The following ATAD2B variants were observed in gnomAD, a reference collection of about 807,000 sequenced individuals.
ATAD2B encodes ATPase family AAA domain-containing protein 2B.
Under a neutral mutation model 167.6 loss-of-function variants are expected in ATAD2B, and 40 were observed. The ratio of observed to expected loss-of-function variants is 0.24; its 90% CI spans 0.19 to 0.31. The LOEUF is 0.31. Among genes scored for constraint, ATAD2B ranks in the 10% least tolerant of loss-of-function variants. The pLI, the probability that ATAD2B is intolerant of heterozygous loss-of-function variation, is 1.00. For missense variants in ATAD2B, 1,242 were observed against 1,757.2 expected, an observed-to-expected ratio of 0.71 and a Z score of 5.24; for synonymous variants, 579 against 596.5, an observed-to-expected ratio of 0.97 and a Z score of 0.43.
intron 9 of ATAD2B, among the ~76,000 whole-genome samples, chr2:23,869,122 T>G (rs1427497380): frequency 1.3e-5 from 2 of 152,194 alleles, no homozygotes; most frequent in African/African-American, 4.8e-5. Context: ...GACACTTTAA[T>G]TATTTACTCC....
At chr2:23,881,295 A>T (rs561418422) in intron 6 of ATAD2B, among the ~76,000 whole-genome samples, 1 of 151,616 alleles carries the variant, frequency 6.6e-6, no homozygotes, top group South Asian at 2.1e-4. Context: ...AAGCATTGAG[A>T]GGGAGCATGA....
At chr2:23,868,944 T>C (rs1695537036) in intron 9 of ATAD2B, among the ~76,000 whole-genome samples, 1 of 152,196 alleles carries the variant, frequency 6.6e-6, no homozygotes, top group African/African-American at 2.4e-5. Context: ...ATCAGAATAG[T>C]TCGGATTAAA....
intron 13 of ATAD2B, among the ~76,000 whole-genome samples, chr2:23,835,850 C>A (rs1418665883): frequency 6.6e-6 from 1 of 151,848 alleles, no homozygotes; most frequent in Non-Finnish European, 1.5e-5. Flanking sequence ...GCAGGAGAAT[C>A]ACTTGAATCC....
intron 13 of ATAD2B, among the ~76,000 whole-genome samples, chr2:23,840,793 T>A (rs1377770073): frequency 6.6e-6 from 1 of 152,240 alleles, no homozygotes; most frequent in African/African-American, 2.4e-5. Flanking sequence ...TATCAATTAC[T>A]GAGAGATGTA....
intron 1 of ATAD2B, among the ~76,000 whole-genome samples, chr2:23,917,685 G>A (rs117430390): frequency 3.3e-5 from 5 of 151,920 alleles, no homozygotes; most frequent in East Asian, 3.9e-4. Context: ...CCAGCTACTC[G>A]GCAGGCTGAG....
At chr2:23,818,155 G>A (rs1192488263) in intron 17 of ATAD2B, among the ~76,000 whole-genome samples, 3 of 133,590 alleles carry the variant, frequency 2.2e-5, no homozygotes, top group Admixed American at 1.5e-4. Flanking sequence ...GAGAGAGAAG[G>A]AGGGAGGGAA....
intron 16 of ATAD2B, among the ~76,000 whole-genome samples, chr2:23,820,609 T>G (rs188684352): frequency 3.5e-4 from 54 of 152,312 alleles, no homozygotes; most frequent in African/African-American, 1.3e-3. Context: ...GTACGGGATA[T>G]GAGAGAGAAT....
chr2:23,774,635 C>T (rs1245913411), intron 22 of ATAD2B, among the ~76,000 whole-genome samples: 3 of 152,178 alleles, frequency 2.0e-5, no homozygotes, highest in African/African-American at 7.2e-5. Context: ...CACAGTGGCT[C>T]ACACCTGTAA....
At chr2:23,890,263 C>G (rs1699289259) in intron 2 of ATAD2B, among the ~76,000 whole-genome samples, 2 of 151,764 alleles carry the variant, frequency 1.3e-5, no homozygotes, top group African/African-American at 4.8e-5. Context: ...AAAAAAAACC[C>G]TCATACTACT....
In ATAD2B at chr2:23,853,255, A is replaced by G. The variant is rs896428097; in HGVS notation, c.1568+4160T>C. Among the ~76,000 whole-genome samples, 4 of 152,218 alleles carry G rather than the reference A, an allele frequency of 2.6e-5. No homozygotes were observed. The East Asian group carries it at 7.7e-4, about 29-fold the overall frequency. ...GCCAAAGAAATAAGAAAAAGAAATA[A>G]AAGACATAGATTGGAAAGGAAGAAG... On this transcript the variant is annotated intron_variant, in intron 13 of 27. Coordinates refer to ENST00000238789, the MANE Select transcript of ATAD2B (RefSeq NM_017552.4).
intron 1 of ATAD2B, among the ~76,000 whole-genome samples, chr2:23,915,473 A>T (rs991505301): frequency 3.3e-5 from 5 of 150,258 alleles, no homozygotes; most frequent in East Asian, 1.9e-4. Context: ...CTCACTATTT[A>T]AAAAAAAAGC....
intron 2 of ATAD2B, among the ~76,000 whole-genome samples, chr2:23,892,818 G>T (rs190037155): frequency 6.6e-6 from 1 of 152,088 alleles, no homozygotes; most frequent in Non-Finnish European, 1.5e-5. Flanking sequence ...GTATCTTAGA[G>T]TATGCGTATT....
chr2:23,794,681 T>A (rs1682325028), intron 19 of ATAD2B, among the ~76,000 whole-genome samples: 1 of 152,184 alleles, frequency 6.6e-6, no homozygotes, highest in Non-Finnish European at 1.5e-5. Context: ...TTATAAACCA[T>A]ATACACATGA....
the ATAD2B span, among the ~76,000 whole-genome samples, chr2:23,680,332 G>A: frequency 3.9e-5 from 6 of 152,124 alleles, no homozygotes; most frequent in South Asian, 1.2e-3. The surrounding 1 kb of genome is among the most constrained non-coding windows in gnomAD (Gnocchi z 4.1). Flanking sequence ...TCCATGCTGG[G>A]CGCTGAGTCG....
the ATAD2B span, chr2:23,695,485 C>A: frequency 3.0e-6 from 2 of 670,788 alleles, no homozygotes; most frequent in Non-Finnish European, 5.0e-6. This position sits in a 1 kb window ranked among gnomAD's most constrained non-coding sequence, Gnocchi z 7.6. Context: ...TCTGTCTAGG[C>A]TAGCAGAGTA....
At position 23,762,249 on chromosome 2, in the gene ATAD2B, A is replaced by G. The variant is rs1558496421; in HGVS notation, c.3354T>C (p.Asn1118=). Residue 1118 remains asparagine (N), a synonymous_variant, in exon 24 of 28, where the codon AAT becomes AAC. Coordinates refer to ENST00000238789, the MANE Select transcript of ATAD2B (RefSeq NM_017552.4). ...CAGAGTTGTGCCACACATCCATTGGATTTCTTTGTTTGTGCCGAAATGCCT... is the reference window on the plus strand; with the variant it reads ...CAGAGTTGTGCCACACATCCATTGGGTTTCTTTGTTTGTGCCGAAATGCCT... ...VEEAFRHKQR[N]PMDVWHNSAN... 4 of 1,613,580 alleles carry G rather than the reference A, an allele frequency of 2.5e-6. No homozygotes were observed. In the East Asian group the frequency reaches 8.9e-5, roughly 36 times the overall value.
At position 23,858,486 on chromosome 2, in the gene ATAD2B, A is replaced by C. The variant is rs139221345; in HGVS notation, c.1480-983T>G. Among the ~76,000 whole-genome samples the C allele has an allele frequency of 4.1e-3, 493 of 119,138 alleles. 3 individuals carry two copies. Among genetic ancestry groups the C allele is most frequent in the African/African-American group, 0.014 (476 of 34,584 alleles). 78.2% of individuals were successfully genotyped at this position (119,138 alleles called of 152,430 possible). The stretch of plus-strand genomic sequence containing the variant: ...TTTCCGTATACTTAAGACCTGTCTC[A>C]TTCTTTTTTTTTTTTTTTTTCTTCA... On this transcript the variant is annotated intron_variant, in intron 12 of 27. Coordinates refer to ENST00000238789, the MANE Select transcript of ATAD2B (RefSeq NM_017552.4).
Position 23,752,055 on chromosome 2 carries a change from T to G in ATAD2B, c.4368A>C (p.Thr1456=). ...ACTCATCTTGAAAAGTTCATAGGAA[T>G]GTCTCAAACATATGAACTGTTCTTT... ...EMERTVHMFE[T]FL The change falls in exon 28 of 28, where the codon ACA becomes ACC. Residue 1456 remains threonine (T), a synonymous_variant. Coordinates refer to ENST00000238789, the MANE Select transcript of ATAD2B (RefSeq NM_017552.4). 1.9e-6 allele frequency: 3 copies of G among 1,563,542 alleles called. No homozygotes were observed. The highest frequency in any genetic ancestry group is 2.6e-6 in the Non-Finnish European group (3 of 1,151,356).
At chr2:23,726,549 T>C in the ATAD2B span, among the ~76,000 whole-genome samples, 10 of 152,138 alleles carry the variant, frequency 6.6e-5, no homozygotes, top group South Asian at 2.1e-3. Flanking sequence ...GAGGAAGGGG[T>C]TGGTTTTGCT....
Sources: allele counts gnomAD v4.1 joint callset (sites outside exome capture counted in the v4.1 genomes callset), GRCh38; gene constraint gnomAD v4.1.1; non-coding constraint Gnocchi (gnomAD v3.1); transcripts MANE v1.5; gene names NCBI Gene and HGNC (gene_info 2026-07-23, HGNC 2026-07-21).